SDCCAG8: variants seen among roughly 807,000 people sequenced by gnomAD.
SDCCAG8 encodes the protein serologically defined colon cancer antigen 8.
SDCCAG8 carries 74 observed loss-of-function variants against 101.8 expected under a neutral mutation model. The ratio of observed to expected loss-of-function variants is 0.73; its 90% CI spans 0.60 to 0.88. The LOEUF (loss-of-function observed/expected upper bound fraction) is 0.88, where lower values mean the gene tolerates loss of function less well. Ranked by LOEUF, SDCCAG8 falls within the 40% of genes least tolerant of loss-of-function variation. SDCCAG8 has a pLI of 0.00. For synonymous variants in SDCCAG8, 281 were observed against 292.9 expected (o/e 0.96, Z 0.41); for missense variants, 787 against 822.6 (o/e 0.96, Z 0.53).
intron 12 of SDCCAG8, among the ~76,000 whole-genome samples, chr1:243,373,710 A>G (rs552400558): frequency 6.6e-6 from 1 of 152,280 alleles, no homozygotes; most frequent in South Asian, 2.1e-4. Flanking sequence ...TCCACTGGCC[A>G]AATGAAATTA....
chr1:243,396,114 G>T (rs192265149), intron 13 of SDCCAG8, among the ~76,000 whole-genome samples: 8 of 152,134 alleles, frequency 5.3e-5, no homozygotes, highest in Admixed American at 5.2e-4. Context: ...TTGAGTCATT[G>T]GTTTGCCCTT....
chr1:243,420,784 T>G (rs772477450), intron 15 of SDCCAG8, among the ~76,000 whole-genome samples: 4 of 152,200 alleles, frequency 2.6e-5, no homozygotes, highest in Non-Finnish European at 5.9e-5. Context: ...CAGTTTCATT[T>G]CTCCCTGGCT....
intron 17 of SDCCAG8, among the ~76,000 whole-genome samples, chr1:243,495,197 G>GCC (rs1667488052): frequency 6.6e-6 from 1 of 152,208 alleles, no homozygotes; most frequent in Non-Finnish European, 1.5e-5. Flanking sequence ...CAGAGCCAGG[G>GCC]CCTCCACCCC....
At chr1:243,355,143 G>A (rs1232753557) in intron 12 of SDCCAG8, among the ~76,000 whole-genome samples, 1 of 152,218 alleles carries the variant, frequency 6.6e-6, no homozygotes, top group Non-Finnish European at 1.5e-5. Context: ...GTTAACATCT[G>A]TACTTAAGTG....
intron 16 of SDCCAG8, among the ~76,000 whole-genome samples, chr1:243,485,139 G>A (rs1664548665): frequency 1.3e-5 from 2 of 152,100 alleles, no homozygotes; most frequent in South Asian, 4.1e-4. Flanking sequence ...CACCATTAAC[G>A]ATGGTTAAGG....
intron 13 of SDCCAG8, among the ~76,000 whole-genome samples, chr1:243,390,032 A>G (rs898685455): frequency 3.3e-5 from 5 of 152,164 alleles, no homozygotes; most frequent in Admixed American, 1.3e-4. Flanking sequence ...GTTGGGGGGA[A>G]CTCATCTTAA....
intron 12 of SDCCAG8, among the ~76,000 whole-genome samples, chr1:243,348,644 G>C (rs1333110039): frequency 6.6e-6 from 1 of 151,982 alleles, no homozygotes; most frequent in Non-Finnish European, 1.5e-5. Context: ...ACATACAGGA[G>C]TTCAGTCTCC....
chr1:243,302,384 A>C (rs2071604677), intron 6 of SDCCAG8, among the ~76,000 whole-genome samples: 1 of 152,216 alleles, frequency 6.6e-6, no homozygotes, highest in South Asian at 2.1e-4. Context: ...AGTAAGGAAG[A>C]GAAGTGAGCA....
intron 6 of SDCCAG8, among the ~76,000 whole-genome samples, chr1:243,302,172 C>T (rs1402159573): frequency 6.6e-6 from 1 of 152,062 alleles, no homozygotes; most frequent in African/African-American, 2.4e-5. Context: ...CACTTGAACC[C>T]AGGAGGTGGA....
chr1:243,296,316 A>T (rs1182626225), intron 6 of SDCCAG8, among the ~76,000 whole-genome samples: 1 of 152,078 alleles, frequency 6.6e-6, no homozygotes, highest in East Asian at 1.9e-4. Flanking sequence ...TCTTAGCAGA[A>T]TATATTCTTT....
At chr1:243,496,742 G>C (rs1401854410) in intron 17 of SDCCAG8, among the ~76,000 whole-genome samples, 1 of 152,254 alleles carries the variant, frequency 6.6e-6, no homozygotes, top group East Asian at 1.9e-4. Flanking sequence ...GTTGCCTGGG[G>C]AACAGTTCAG....
chr1:243,284,623 G>A (rs1324787004), intron 4 of SDCCAG8, among the ~76,000 whole-genome samples: 1 of 152,154 alleles, frequency 6.6e-6, no homozygotes, highest in African/African-American at 2.4e-5. Flanking sequence ...GCAAGAGGGG[G>A]CTGGAGCTGG....
chr1:243,324,501 G>T, intron 9 of SDCCAG8, among the ~76,000 whole-genome samples: 2 of 112,306 alleles, frequency 1.8e-5, no homozygotes, highest in Non-Finnish European at 1.7e-5. Flanking sequence ...GCCTCACTCT[G>T]TCACCCAGGC....
intron 9 of SDCCAG8, among the ~76,000 whole-genome samples, chr1:243,327,630 TA>T (rs990845930): frequency 6.6e-6 from 1 of 151,992 alleles, no homozygotes; most frequent in Non-Finnish European, 1.5e-5. Flanking sequence ...TGAATGGTTA[TA>T]GGGGTACTCA....
At chr1:243,331,274 TAC>T (rs2074571765) in intron 10 of SDCCAG8, among the ~76,000 whole-genome samples, 2 of 152,204 alleles carry the variant, frequency 1.3e-5, no homozygotes, top group Admixed American at 1.3e-4. Flanking sequence ...CAAACTAGAA[TAC>T]AGAGTTGAGT....
intron 5 of SDCCAG8, among the ~76,000 whole-genome samples, chr1:243,287,520 G>T (rs1440188778): frequency 1.3e-5 from 2 of 151,844 alleles, no homozygotes; most frequent in Admixed American, 1.3e-4. Context: ...TCTGATAAAT[G>T]AAGTGGGCTA....
intron 6 of SDCCAG8, among the ~76,000 whole-genome samples, chr1:243,301,768 AG>A (rs1183440860): frequency 3.9e-5 from 6 of 152,322 alleles, no homozygotes; most frequent in African/African-American, 1.4e-4. Flanking sequence ...GGAAAAAAAA[AG>A]TCATTTTATG....
At chr1:243,331,921 A>G (rs1553313572) in intron 10 of SDCCAG8, among the ~76,000 whole-genome samples, 3 of 152,200 alleles carry the variant, frequency 2.0e-5, no homozygotes, top group Non-Finnish European at 4.4e-5. Flanking sequence ...TGAGTTTTCG[A>G]TCATCATTGT....
At chr1:243,387,081 T>C (rs1405712917) in intron 13 of SDCCAG8, among the ~76,000 whole-genome samples, 1 of 152,178 alleles carries the variant, frequency 6.6e-6, no homozygotes, top group Non-Finnish European at 1.5e-5. Flanking sequence ...AAGAATGTAT[T>C]CATCTTAGGC....
Sources: gnomAD v4.1 joint callset for allele counts (sites outside exome capture counted in the v4.1 genomes callset) on GRCh38, gnomAD v4.1.1 for gene constraint, MANE v1.5 for transcripts, NCBI Gene and HGNC (gene_info 2026-07-23, HGNC 2026-07-21) for gene names.